Variants in AGPAT3 observed in about 807,000 individuals in gnomAD.
AGPAT3 encodes the protein 1-acylglycerol-3-phosphate O-acyltransferase 3, also known as 1-acyl-sn-glycerol-3-phosphate acyltransferase gamma.
AGPAT3 carries 5 observed loss-of-function variants against 47.3 expected under a neutral mutation model. That is an observed-to-expected ratio of 0.11 (90% CI 0.06 to 0.22). AGPAT3 has a LOEUF of 0.22. Among genes scored for constraint, AGPAT3 ranks in the 10% least tolerant of loss-of-function variants. The pLI, the probability that AGPAT3 is intolerant of heterozygous loss-of-function variation, is 1.00. For synonymous variants in AGPAT3, 212 were observed against 208.3 expected, an observed-to-expected ratio of 1.02 and a Z score of -0.15; for missense variants, 315 against 493.0, an observed-to-expected ratio of 0.64 and a Z score of 3.42.
intron 2 of AGPAT3, among the ~76,000 whole-genome samples, chr21:43,944,637 C>T (rs565149196): frequency 6.6e-5 from 10 of 152,278 alleles, no homozygotes; most frequent in South Asian, 4.1e-4. Context: ...ATGCATGTGC[C>T]GGGAGGCAGG....
chr21:43,884,022 G>T (rs1204610166), intron 1 of AGPAT3, among the ~76,000 whole-genome samples: 3 of 152,140 alleles, frequency 2.0e-5, no homozygotes, highest in South Asian at 2.1e-4. Context: ...GAGCCACCAC[G>T]CCTGGCCAGT....
rs78270802 is a variant in AGPAT3, at chr21:43,920,160, C to A, written c.-49+16141C>A. 0.19 allele frequency among the ~76,000 whole-genome samples: 28,150 copies of A among 152,074 alleles called. 3,470 individuals carry two copies. Among genetic ancestry groups the A allele is most frequent in the Non-Finnish European group, 0.28 (18,817 of 67,958 alleles). On this transcript the variant is annotated intron_variant, in intron 2 of 9. Coordinates refer to ENST00000291572, the MANE Select transcript of AGPAT3 (RefSeq NM_020132.5). The surrounding 1 kb of genome is among the most constrained non-coding windows in gnomAD (Gnocchi z 6.1). ...AGTGCGAGGCTGTGTCTTTTTAGTC[C>A]ATTTCTTCCCCCACTGCATGCTGGG...
intron 1 of AGPAT3, among the ~76,000 whole-genome samples, chr21:43,900,273 T>C (rs2086320164): frequency 6.6e-6 from 1 of 152,182 alleles, no homozygotes; most frequent in African/African-American, 2.4e-5. Flanking sequence ...GATTTAAAAA[T>C]GCAAGATTCC....
At chr21:43,931,129 G>A (rs1330456211) in intron 2 of AGPAT3, among the ~76,000 whole-genome samples, 2 of 152,126 alleles carry the variant, frequency 1.3e-5, no homozygotes, top group Non-Finnish European at 2.9e-5. Flanking sequence ...GGGTCAGGGC[G>A]GACACTGGAT....
chr21:43,881,029 AAAG>A (rs2085844727), intron 1 of AGPAT3, among the ~76,000 whole-genome samples: 1 of 152,216 alleles, frequency 6.6e-6, no homozygotes, highest in African/African-American at 2.4e-5. Context: ...TTTTGGAAAA[AAAG>A]AAAATTGAGA....
chr21:43,872,433 G>A (rs535358547), intron 1 of AGPAT3, among the ~76,000 whole-genome samples: 2 of 152,166 alleles, frequency 1.3e-5, no homozygotes, highest in South Asian at 4.1e-4. Context: ...CACCCACCTC[G>A]GCCTCCCAAA....
intron 1 of AGPAT3, chr21:43,867,680 T>C (rs1053124047): frequency 1.3e-5 from 2 of 152,256 alleles, no homozygotes; most frequent in Non-Finnish European, 2.9e-5. Context: ...TTATAAGGTA[T>C]CGCCGGTGGA....
At chr21:43,892,025 G>A (rs567618477) in intron 1 of AGPAT3, among the ~76,000 whole-genome samples, 4 of 152,080 alleles carry the variant, frequency 2.6e-5, no homozygotes, top group African/African-American at 4.8e-5. Context: ...ATTACTCCAC[G>A]GCTGGGCATG....
Position 43,930,389 on chromosome 21 carries a change from G to A in AGPAT3, c.-49+26370G>A, listed in dbSNP as rs757310351. Among the ~76,000 whole-genome samples the A allele has an allele frequency of 5.3e-5, 8 of 152,274 alleles. No individual in the cohort carries two copies. Among genetic ancestry groups the A allele is most frequent in the South Asian group, 2.1e-4 (1 of 4,828 alleles). On this transcript the variant is annotated intron_variant, in intron 2 of 9. Coordinates refer to ENST00000291572, the MANE Select transcript of AGPAT3 (RefSeq NM_020132.5). This position sits in a 1 kb window ranked among gnomAD's most constrained non-coding sequence, Gnocchi z 5.0. ...CTAGCGGGGCAGAGCTGTGCTGAGC[G>A]CTGAGGGATCATTTGTGTAAAGCAC...
At chr21:43,895,192 C>T (rs920749562) in intron 1 of AGPAT3, among the ~76,000 whole-genome samples, 1 of 151,874 alleles carries the variant, frequency 6.6e-6, no homozygotes, top group African/African-American at 2.4e-5. Context: ...GCAACCTCCA[C>T]CTCTTGGGTT....
chr21:43,954,024 A>G lies in AGPAT3; in HGVS notation c.-48-5610A>G, dbSNP rs554150530. 6.6e-6 allele frequency among the ~76,000 whole-genome samples: 1 copy of G among 152,222 alleles called. No homozygotes were observed. The highest frequency in any genetic ancestry group is 1.5e-5 in the Non-Finnish European group (1 of 68,052). On this transcript the variant is annotated intron_variant, in intron 2 of 9. Transcript: ENST00000291572. This position sits in a 1 kb window ranked among gnomAD's most constrained non-coding sequence, Gnocchi z 4.0. ...ATAAATAAATAGATGAAAAATAAAA[A>G]ATAAAAATGTAGACGTCAACTTCAC...
intron 2 of AGPAT3, chr21:43,916,568 A>T (rs2086735505): frequency 1.6e-5 from 2 of 128,426 alleles, no homozygotes; most frequent in African/African-American, 3.1e-5. Flanking sequence ...GCATTTTTCC[A>T]GTATATATTT....
At chr21:43,909,677 C>T (rs979381898) in intron 2 of AGPAT3, among the ~76,000 whole-genome samples, 3 of 152,140 alleles carry the variant, frequency 2.0e-5, no homozygotes, top group African/African-American at 7.2e-5. Flanking sequence ...GGTGCTGTTC[C>T]ATCATATTTG....
rs189149812 is a variant in AGPAT3 at position 43,963,677 on chromosome 21, C to T, written c.178+3818C>T. Among the ~76,000 whole-genome samples the T allele has an allele frequency of 7.6e-4, 109 of 142,546 alleles. 2 individuals carry two copies. Among genetic ancestry groups the T allele is most frequent in the Admixed American group, 4.1e-3 (57 of 13,822 alleles). 93.5% of individuals were successfully genotyped at this position (142,546 alleles called of 152,430 possible). On this transcript the variant is annotated intron_variant, in intron 3 of 9. Transcript: ENST00000291572. ...GAGCCGAGACTGCATCACTGCACTC[C>T]AGCCTGGGTGACAGAGTGAGACTCT...
intron 2 of AGPAT3, among the ~76,000 whole-genome samples, chr21:43,907,029 CTTTTTTTT>C (rs760824887): frequency 7.8e-6 from 1 of 128,814 alleles, no homozygotes; most frequent in African/African-American, 3.0e-5. Context: ...TCTTTTCTTT[CTTTTTTTT>C]TTTTTTTTTT....
At chr21:43,977,713 TA>T (rs959204016) in intron 7 of AGPAT3, among the ~76,000 whole-genome samples, 7 of 150,010 alleles carry the variant, frequency 4.7e-5, no homozygotes, top group Admixed American at 6.6e-5. Context: ...CCGTCTCTAC[TA>T]AAAAAAAATA....
Position 43,932,473 on chromosome 21 carries a change from C to T in AGPAT3, c.-48-27161C>T, listed in dbSNP as rs1030213454. Among the ~76,000 whole-genome samples the T allele has an allele frequency of 3.3e-5, 5 of 152,220 alleles. No individual in the cohort carries two copies. The highest frequency in any genetic ancestry group is 6.5e-5 in the Admixed American group (1 of 15,282). On this transcript the variant is annotated intron_variant, in intron 2 of 9. Coordinates refer to ENST00000291572, the MANE Select transcript of AGPAT3 (RefSeq NM_020132.5). The surrounding 1 kb of genome is among the most constrained non-coding windows in gnomAD (Gnocchi z 5.2). ...TCCTTATGGCTGAATAATAACACGGCGTTACGCACCGCACGCTCGCTATCC... is the reference window on the plus strand; with the variant it reads ...TCCTTATGGCTGAATAATAACACGGTGTTACGCACCGCACGCTCGCTATCC...
chr21:43,897,705 T>C (rs77740576), intron 1 of AGPAT3, among the ~76,000 whole-genome samples: 7,473 of 129,838 alleles, frequency 0.058, 1,445 homozygotes, highest in African/African-American at 0.21. Flanking sequence ...AGGGGGCGGC[T>C]GGGCAGAGAC....
At chr21:43,913,390 G>A (rs2086665909) in intron 2 of AGPAT3, among the ~76,000 whole-genome samples, 1 of 152,126 alleles carries the variant, frequency 6.6e-6, no homozygotes, top group Non-Finnish European at 1.5e-5. Context: ...TTTGAGACCA[G>A]CCTGGGCAAC....
Sources: gnomAD v4.1 joint callset for allele counts (sites outside exome capture counted in the v4.1 genomes callset) on GRCh38, gnomAD v4.1.1 for gene constraint, Gnocchi (gnomAD v3.1) non-coding constraint, MANE v1.5 for transcripts, NCBI Gene and HGNC (gene_info 2026-07-23, HGNC 2026-07-21) for gene names.